SDK1: variants seen among roughly 807,000 people sequenced by gnomAD.
SDK1 encodes the protein sidekick cell adhesion molecule 1, also known as protein sidekick-1.
Under a neutral mutation model 245.5 loss-of-function variants are expected in SDK1, and 157 were observed. The observed-to-expected ratio is 0.64, with a 90% CI of 0.56 to 0.73. The LOEUF (loss-of-function observed/expected upper bound fraction) is 0.73, where lower values mean the gene tolerates loss of function less well. SDK1 is among the 30% of genes least tolerant of loss of function. SDK1 has a pLI of 0.00. For synonymous variants in SDK1, 1,647 were observed against 1,278.5 expected, an observed-to-expected ratio of 1.29 and a Z score of -6.15; for missense variants, 3,583 against 3,002.3, an observed-to-expected ratio of 1.19 and a Z score of -4.52.
intron 4 of SDK1, among the ~76,000 whole-genome samples, chr7:3,784,825 G>A (rs962176530): frequency 6.6e-6 from 1 of 152,180 alleles, no homozygotes; most frequent in Non-Finnish European, 1.5e-5. Flanking sequence ...AAATAGAACT[G>A]CCATATGATC....
In SDK1 at chr7:4,205,897, A is replaced by C. The variant is rs201826271; in HGVS notation, c.5117A>C (p.Gln1706Pro). 1.0e-4 allele frequency: 162 copies of C among 1,555,666 alleles called. 1 individual carries two copies. The East Asian group carries it at 3.8e-3, about 36-fold the overall frequency. The change falls in exon 36 of 45, where the codon CAG becomes CCG. Residue 1706 changes from glutamine to proline, a missense_variant. Transcript: ENST00000404826. ...TCCTCAGCCCCGGCCATGGCCCCGC[A>C]GAACGTGCAGGTGACCCCACTCACG... ...VGEAAPAMAPQNVQVTPLTAS... is the reference protein window; with the variant it reads ...VGEAAPAMAPPNVQVTPLTAS...
At chr7:3,741,849 C>A (rs530269342) in intron 4 of SDK1, among the ~76,000 whole-genome samples, 1 of 151,932 alleles carries the variant, frequency 6.6e-6, no homozygotes, top group Non-Finnish European at 1.5e-5. Context: ...TGTGTATATA[C>A]GTGTGTGTGG....
intron 28 of SDK1, among the ~76,000 whole-genome samples, chr7:4,135,694 G>A (rs1779034295): frequency 6.6e-6 from 1 of 152,182 alleles, no homozygotes; most frequent in African/African-American, 2.4e-5. Context: ...CCTCAAAGGG[G>A]AAGCACATTC....
intron 1 of SDK1, among the ~76,000 whole-genome samples, chr7:3,358,782 T>TC (rs1458530556): frequency 3.9e-5 from 6 of 152,324 alleles, no homozygotes; most frequent in African/African-American, 1.4e-4. Context: ...TAAGAATGTG[T>TC]CCTAGATGGA....
chr7:4,004,760 A>C (rs918593225), intron 14 of SDK1, among the ~76,000 whole-genome samples: 2 of 152,204 alleles, frequency 1.3e-5, no homozygotes, highest in Non-Finnish European at 2.9e-5. Context: ...ATTACACCTA[A>C]CAAAATTAAT....
chr7:3,776,181 T>C (rs1780554227), intron 4 of SDK1, among the ~76,000 whole-genome samples: 1 of 152,264 alleles, frequency 6.6e-6, no homozygotes, highest in African/African-American at 2.4e-5. Flanking sequence ...AATGAACGAA[T>C]GAGTAGCATT....
At chr7:3,747,400 A>C (rs1360713956) in intron 4 of SDK1, among the ~76,000 whole-genome samples, 1 of 150,858 alleles carries the variant, frequency 6.6e-6, no homozygotes, top group Non-Finnish European at 1.5e-5. Flanking sequence ...AAGGCATTCA[A>C]AGTGTATGTA....
At chr7:4,226,483 C>T (rs558336301) in intron 40 of SDK1, among the ~76,000 whole-genome samples, 6 of 152,366 alleles carry the variant, frequency 3.9e-5, no homozygotes, top group Admixed American at 6.5e-5. Context: ...TTACACCCCC[C>T]GCACATTCTA....
At chr7:3,860,747 A>C (rs1002066420) in intron 5 of SDK1, among the ~76,000 whole-genome samples, 3 of 152,068 alleles carry the variant, frequency 2.0e-5, no homozygotes, top group African/African-American at 7.2e-5. Context: ...TTTTTGCCAC[A>C]AGTAGCTATA....
At chr7:3,884,103 CAG>C (rs1781280124) in intron 5 of SDK1, among the ~76,000 whole-genome samples, 2 of 143,532 alleles carry the variant, frequency 1.4e-5, no homozygotes, top group Non-Finnish European at 3.0e-5. Flanking sequence ...TTTTTTGAGA[CAG>C]GGTCTCGCTG....
intron 4 of SDK1, among the ~76,000 whole-genome samples, chr7:3,660,857 C>G (rs542096983): frequency 1.8e-4 from 27 of 152,340 alleles, no homozygotes; most frequent in African/African-American, 6.5e-4. Flanking sequence ...TCAATCTAGA[C>G]TTGCCCATTC....
intron 25 of SDK1, among the ~76,000 whole-genome samples, chr7:4,118,634 C>G (rs1483598349): frequency 2.4e-5 from 3 of 123,742 alleles, no homozygotes; most frequent in African/African-American, 8.3e-5. Flanking sequence ...CATAAATGTT[C>G]ATAGCAGCTT....
chr7:3,939,299 A>G lies in SDK1; in HGVS notation c.848-11624A>G, dbSNP rs549244353. Among the ~76,000 whole-genome samples the G allele has an allele frequency of 6.6e-5, 10 of 152,364 alleles. No homozygotes were observed. The South Asian group carries it at 1.2e-3, about 19-fold the overall frequency. ...GTGATTGCCTTCTGGATGATGAACTATAAAGGAGGCAGCTCTTAAAAGAAT... is the reference window on the plus strand; with the variant it reads ...GTGATTGCCTTCTGGATGATGAACTGTAAAGGAGGCAGCTCTTAAAAGAAT... On this transcript the variant is annotated intron_variant, in intron 5 of 44. Transcript: ENST00000404826.
At chr7:3,728,848 C>T (rs986170838) in intron 4 of SDK1, among the ~76,000 whole-genome samples, 19 of 152,054 alleles carry the variant, frequency 1.2e-4, no homozygotes, top group Admixed American at 5.2e-4. Flanking sequence ...TCAGGTAACC[C>T]GCCCACTTTG....
chr7:3,750,311 T>G (rs1334615770), intron 4 of SDK1, among the ~76,000 whole-genome samples: 1 of 152,226 alleles, frequency 6.6e-6, no homozygotes, highest in African/African-American at 2.4e-5. Context: ...GCAAGGAAAC[T>G]AAACCATTTA....
intron 1 of SDK1, among the ~76,000 whole-genome samples, chr7:3,462,098 T>C (rs1428680242): frequency 1.2e-4 from 19 of 152,128 alleles, no homozygotes; most frequent in Non-Finnish European, 2.5e-4. Context: ...AGCCCACACC[T>C]TTTTCATGTG....
chr7:4,221,471 C>G (rs1031711691), intron 40 of SDK1, 107 bp downstream of exon 40: 37 of 1,383,480 alleles, frequency 2.7e-5, no homozygotes, highest in Non-Finnish European at 3.5e-5. Flanking sequence ...TTTCCCCCCA[C>G]AAAGCTGGGA....
chr7:3,521,662 A>G (rs1289911955), intron 1 of SDK1, among the ~76,000 whole-genome samples: 1 of 152,202 alleles, frequency 6.6e-6, no homozygotes, highest in Non-Finnish European at 1.5e-5. Context: ...TGTGGATTCG[A>G]TAGTCTAATG....
intron 2 of SDK1, among the ~76,000 whole-genome samples, chr7:3,628,001 C>T (rs543928579): frequency 6.6e-6 from 1 of 152,292 alleles, no homozygotes; most frequent in Non-Finnish European, 1.5e-5. Context: ...TCAAATCTCT[C>T]CCTATTCAAA....
Sources: allele counts gnomAD v4.1 joint callset (sites outside exome capture counted in the v4.1 genomes callset), GRCh38; gene constraint gnomAD v4.1.1; transcripts MANE v1.5; gene names NCBI Gene and HGNC (gene_info 2026-07-23, HGNC 2026-07-21).